KNL1: variants seen among roughly 807,000 people sequenced by gnomAD.
The protein encoded by KNL1 is outer kinetochore KNL1 complex subunit KNL1.
A neutral mutation model predicts 201.3 loss-of-function variants in KNL1; 66 were observed. The ratio of observed to expected loss-of-function variants is 0.33; its 90% CI spans 0.27 to 0.40. KNL1 has a LOEUF of 0.40. KNL1 is among the 10% of genes least tolerant of loss of function. KNL1 has a pLI of 1.00. For missense variants in KNL1, 2,815 were observed against 2,690.5 expected, an observed-to-expected ratio of 1.05 and a Z score of -1.02; for synonymous variants, 895 against 899.2, an observed-to-expected ratio of 1.00 and a Z score of 0.08.
chr15:40,603,037 C>A, intron 2 of KNL1, 71 bp downstream of exon 2: 1 of 938,180 alleles, frequency 1.1e-6, no homozygotes, highest in Non-Finnish European at 1.6e-6. Flanking sequence ...TTAGTAAGAC[C>A]TATCCATAAC....
At chr15:40,629,233 C>T in intron 12 of KNL1, 40 bp from the exon 13 acceptor site, 1 of 1,163,202 alleles carries the variant, frequency 8.6e-7, no homozygotes, top group Non-Finnish European at 1.2e-6. Context: ...AAAGTGAAAT[C>T]ACATTGAATG....
chr15:40,627,990 A>G, intron 10 of KNL1, 80 bp from the exon 11 acceptor site: 2 of 886,636 alleles, frequency 2.3e-6, no homozygotes, highest in Non-Finnish European at 3.3e-6. Flanking sequence ...GTATGTTAGA[A>G]GTAGTATTTC....
intron 4 of KNL1, among the ~76,000 whole-genome samples, chr15:40,608,631 G>T (rs1175308528): frequency 6.6e-6 from 1 of 151,568 alleles, no homozygotes; most frequent in African/African-American, 2.4e-5. Context: ...TGTAATCCCA[G>T]CTACTCGGGA....
In KNL1 at chr15:40,622,437, G is replaced by T. The variant is rs769933301; in HGVS notation, c.2173G>T (p.Val725Leu). 6.2e-7 allele frequency: 1 copy of T among 1,613,744 alleles called. No individual in the cohort carries two copies. The stretch of plus-strand genomic sequence containing the variant: ...TATAAGTAGTCATACAGTGAAATCT[G>T]TACTAGGCCAGAATTCTAAACTGGC... ...TAISSHTVKS[V>L]LGQNSKLAEP... is the part of the protein sequence containing the mutation. The change falls in exon 10 of 26, where the codon GTA becomes TTA. Residue 725 changes from valine (V) to leucine (L), a missense_variant. Transcript: ENST00000399668.
At chr15:40,641,149 A>G in intron 14 of KNL1, 122 bp downstream of exon 14, 1 of 610,402 alleles carries the variant, frequency 1.6e-6, no homozygotes, top group Non-Finnish European at 2.8e-6. Context: ...ATTAATTGGC[A>G]GTGTGATGTG....
At chr15:40,620,238 G>C (rs1386867784) in intron 9 of KNL1, among the ~76,000 whole-genome samples, 1 of 148,850 alleles carries the variant, frequency 6.7e-6, no homozygotes, top group African/African-American at 2.5e-5. Flanking sequence ...TTTTGAGACA[G>C]AGTCTTGCTC....
rs1312399838 is a variant in KNL1, at chr15:40,623,944, C to G, written c.3680C>G (p.Thr1227Ser). ...LAVGNKIVLH[T>S]EQKQQLFAAT... is the part of the protein sequence containing the mutation. ...GTAGGAAACAAAATAGTTCTTCACACCGAGCAAAAGCAACAACTCTTTGCT... is the reference window on the plus strand; with the variant it reads ...GTAGGAAACAAAATAGTTCTTCACAGCGAGCAAAAGCAACAACTCTTTGCT... Residue 1227 changes from threonine to serine, a missense_variant, in exon 10 of 26, where the codon ACC becomes AGC. By Grantham distance (58) the Thr-to-Ser change is moderately conservative. Coordinates refer to ENST00000399668, the MANE Select transcript of KNL1 (RefSeq NM_144508.5). 1 of 1,613,340 alleles carries G rather than the reference C, an allele frequency of 6.2e-7. No individual in the cohort carries two copies. The highest frequency in any genetic ancestry group is 8.5e-7 in the Non-Finnish European group (1 of 1,179,920).
At chr15:40,656,889 G>C (rs1224746885) in intron 22 of KNL1, among the ~76,000 whole-genome samples, 153 bp from the exon 23 acceptor site, 1 of 147,860 alleles carries the variant, frequency 6.8e-6, no homozygotes, top group African/African-American at 2.5e-5. Context: ...GGAGACTCCA[G>C]AAAAAAAAAG....
At chr15:40,620,442 C>T (rs1337844208) in intron 9 of KNL1, among the ~76,000 whole-genome samples, 198 bp from the exon 10 acceptor site, 1 of 151,978 alleles carries the variant, frequency 6.6e-6, no homozygotes, top group Non-Finnish European at 1.5e-5. Flanking sequence ...CGATCTCCTG[C>T]CCTCGTGATC....
intron 8 of KNL1, among the ~76,000 whole-genome samples, chr15:40,617,439 T>C (rs1419657843): frequency 6.6e-6 from 1 of 152,202 alleles, no homozygotes; most frequent in East Asian, 1.9e-4. Flanking sequence ...ACTGTGGCAT[T>C]AAGCCACAGT....
chr15:40,662,017 C>T (rs746293401), intron 25 of KNL1, 57 bp from the exon 26 acceptor site: 37 of 974,460 alleles, frequency 3.8e-5, no homozygotes, highest in Admixed American at 8.9e-5. Context: ...CCAGCCTGGG[C>T]GACAGAGCGA....
intron 21 of KNL1, among the ~76,000 whole-genome samples, chr15:40,652,618 A>G (rs1893601920): frequency 6.6e-6 from 1 of 151,870 alleles, no homozygotes; most frequent in Non-Finnish European, 1.5e-5. Context: ...AAAACTACAA[A>G]AAATGAGCTG....
Position 40,621,447 on chromosome 15 carries a change from A to G in KNL1, c.1183A>G (p.Thr395Ala). 1 of 1,613,920 alleles carries G rather than the reference A, an allele frequency of 6.2e-7. No individual in the cohort carries two copies. The highest frequency in any genetic ancestry group is 8.5e-7 in the Non-Finnish European group (1 of 1,179,908). The change falls in exon 10 of 26, where the codon ACT (threonine) becomes GCT (alanine). Residue 395 changes from threonine to alanine, a missense_variant. Physicochemically the swap from Thr to Ala is moderately conservative, Grantham distance 58 (BLOSUM62 0). This residue lies in a region of KNL1 where 2,464 missense variants were observed against 2,291.7 expected (regional missense o/e 1.08). Coordinates refer to ENST00000399668, the MANE Select transcript of KNL1 (RefSeq NM_144508.5). ...CAGAAGTCATATTATGGGGGCAGAAACTCACATAGTCTCACAGACTTGTAA... is the reference window on the plus strand; with the variant it reads ...CAGAAGTCATATTATGGGGGCAGAAGCTCACATAGTCTCACAGACTTGTAA... ...ITRSHIMGAE[T>A]HIVSQTCNQD...
rs139396642 is a variant in KNL1 at position 40,631,485 on chromosome 15, A to G, written c.5682+2114A>G. Among the ~76,000 whole-genome samples the G allele has an allele frequency of 7.6e-4, 116 of 152,122 alleles. No homozygotes were observed. The East Asian group carries it at 0.022, about 29-fold the overall frequency. On this transcript the variant is annotated intron_variant, in intron 13 of 25. Transcript: ENST00000399668. ...AAATTAAAGAAATTTTTATTTATTT[A>G]TTTTTTATTTTTAGAGACGAGATCT...
intron 1 of KNL1, among the ~76,000 whole-genome samples, chr15:40,594,617 C>G (rs1891566588): frequency 6.6e-6 from 1 of 152,194 alleles, no homozygotes; most frequent in Non-Finnish European, 1.5e-5. Context: ...AACACTTCTC[C>G]GCCTGCACCT....
Position 40,621,744 on chromosome 15 carries a change from A to G in KNL1, c.1480A>G (p.Ile494Val). The change falls in exon 10 of 26, where the codon ATA becomes GTA. Residue 494 changes from isoleucine (I) to valine (V), a missense_variant. Physicochemically the swap from Ile to Val is conservative, Grantham distance 29. Transcript: ENST00000399668. ...MDITKSHTVA[I>V]DNQIFKQDQS... ...CATTACCAAGAGTCATACAGTTGCAATAGATAATCAAATTTTTAAACAAGA... is the reference window on the plus strand; with the variant it reads ...CATTACCAAGAGTCATACAGTTGCAGTAGATAATCAAATTTTTAAACAAGA... 1.2e-6 allele frequency: 2 copies of G among 1,613,846 alleles called. No homozygotes were observed. Among genetic ancestry groups the G allele is most frequent in the Non-Finnish European group, 1.7e-6 (2 of 1,179,762 alleles).
chr15:40,640,550 G>A (rs1376821175), intron 13 of KNL1, among the ~76,000 whole-genome samples: 1 of 151,982 alleles, frequency 6.6e-6, no homozygotes, highest in East Asian at 1.9e-4. Context: ...AAGGATTATG[G>A]CTAGAAAATG....
At chr15:40,613,269 ATCTTC>A (rs1022462951) in intron 7 of KNL1, among the ~76,000 whole-genome samples, 5 of 151,934 alleles carry the variant, frequency 3.3e-5, no homozygotes, top group African/African-American at 1.2e-4. Context: ...GTGTGTGTGT[ATCTTC>A]TCGTGTGTGT....
rs1892526174 is a variant in KNL1, at chr15:40,621,506, A to T, written c.1242A>T (p.Glu414Asp). 2 of 1,613,852 alleles carry T rather than the reference A, an allele frequency of 1.2e-6. No homozygotes were observed. Among genetic ancestry groups the T allele is most frequent in the South Asian group, 1.1e-5 (1 of 91,082 alleles). Residue 414 changes from glutamate to aspartate, a missense_variant, in exon 10 of 26, where the codon GAA becomes GAT. Physicochemically the swap from Glu to Asp is conservative, Grantham distance 45. Around this residue, in one of 3 missense-constraint regions of KNL1, gnomAD observed 2,464 missense variants for 2,291.7 expected, o/e 1.08. Transcript: ENST00000399668. ...QDARILAMTPESIYSNPSIQG... is the reference protein window; with the variant it reads ...QDARILAMTPDSIYSNPSIQG... Reference sequence around the variant, plus strand: ...CCAGAATATTAGCCATGACCCCAGAATCTATATATTCTAATCCATCTATTC... The same window carrying T: ...CCAGAATATTAGCCATGACCCCAGATTCTATATATTCTAATCCATCTATTC...
Sources: allele counts gnomAD v4.1 joint callset (sites outside exome capture counted in the v4.1 genomes callset), GRCh38; gene constraint gnomAD v4.1.1; regional missense constraint gnomAD v4.1.1; transcripts MANE v1.5; gene names NCBI Gene and HGNC (gene_info 2026-07-23, HGNC 2026-07-21).